Variants in CLASP1 observed in about 807,000 individuals in gnomAD.
CLASP1 encodes CLIP-associating protein 1.
Under a neutral mutation model 192.3 loss-of-function variants are expected in CLASP1, and 38 were observed. The observed-to-expected ratio is 0.20, with a 90% CI of 0.15 to 0.26. The LOEUF is 0.26. Ranked by LOEUF, CLASP1 falls within the 10% of genes least tolerant of loss-of-function variation. The pLI is 1.00. For synonymous variants in CLASP1, 691 were observed against 712.8 expected, an observed-to-expected ratio of 0.97 and a Z score of 0.49; for missense variants, 1,433 against 1,932.5, an observed-to-expected ratio of 0.74 and a Z score of 4.85.
intron 2 of CLASP1, among the ~76,000 whole-genome samples, chr2:121,578,234 C>G (rs149626840): frequency 1.3e-5 from 2 of 151,974 alleles, no homozygotes; most frequent in Non-Finnish European, 2.9e-5. Context: ...CACACCCTGC[C>G]GCTAGAAAAG....
At chr2:121,580,350 G>A (rs963873430) in intron 2 of CLASP1, among the ~76,000 whole-genome samples, 2 of 152,164 alleles carry the variant, frequency 1.3e-5, no homozygotes, top group Non-Finnish European at 1.5e-5. Context: ...AAAAGCACTT[G>A]TAGAAGAAAA....
intron 1 of CLASP1, among the ~76,000 whole-genome samples, chr2:121,629,769 C>T (rs1013460741): frequency 4.6e-5 from 7 of 151,486 alleles, no homozygotes; most frequent in East Asian, 2.0e-4. Flanking sequence ...CTAGCCTGGG[C>T]GACAAGAGCG....
intron 35 of CLASP1, among the ~76,000 whole-genome samples, chr2:121,367,035 A>G (rs920581875): frequency 3.3e-5 from 5 of 152,196 alleles, no homozygotes; most frequent in Non-Finnish European, 7.3e-5. Context: ...TGGTAATGCA[A>G]ATGCTCAGTG....
At chr2:121,634,871 G>C (rs913854349) in intron 1 of CLASP1, among the ~76,000 whole-genome samples, 7 of 152,210 alleles carry the variant, frequency 4.6e-5, no homozygotes, top group African/African-American at 1.7e-4. Flanking sequence ...AAGCTTTTTA[G>C]ACAAAATATA....
At chr2:121,519,690 AC>A (rs1399674261) in intron 6 of CLASP1, among the ~76,000 whole-genome samples, 2 of 152,210 alleles carry the variant, frequency 1.3e-5, no homozygotes, top group African/African-American at 4.8e-5. Flanking sequence ...TATCTTTTAA[AC>A]CAACATCTTT....
intron 2 of CLASP1, 43 bp downstream of exon 2, chr2:121,605,658 C>T: frequency 2.7e-6 from 4 of 1,507,544 alleles, no homozygotes; most frequent in Non-Finnish European, 3.7e-6. Context: ...TCTACCAGTG[C>T]AGCCCAGCCA....
chr2:121,457,450 C>A (rs13395695), intron 14 of CLASP1, among the ~76,000 whole-genome samples: 30,193 of 149,322 alleles, frequency 0.2, 5,591 homozygotes, highest in African/African-American at 0.5. Context: ...CTTTCTCTCA[C>A]ACAGACATAC....
intron 37 of CLASP1, among the ~76,000 whole-genome samples, chr2:121,352,850 C>T (rs2064751721): frequency 6.6e-6 from 1 of 151,920 alleles, no homozygotes; most frequent in Non-Finnish European, 1.5e-5. Flanking sequence ...GACGGGGTTT[C>T]ACCACGTTGA....
chr2:121,590,242 A>G (rs1317825870), intron 2 of CLASP1, among the ~76,000 whole-genome samples: 1 of 152,208 alleles, frequency 6.6e-6, no homozygotes, highest in East Asian at 1.9e-4. Flanking sequence ...CCGAACTTTG[A>G]ACCAGCAATT....
chr2:121,631,098 G>A (rs1002130503), intron 1 of CLASP1, among the ~76,000 whole-genome samples: 2 of 131,660 alleles, frequency 1.5e-5, no homozygotes, highest in African/African-American at 5.4e-5. Flanking sequence ...GGTGGAGGTT[G>A]CAGTGAGCCG....
chr2:121,366,298 C>T (rs2067394021), intron 35 of CLASP1, among the ~76,000 whole-genome samples: 1 of 152,186 alleles, frequency 6.6e-6, no homozygotes, highest in Admixed American at 6.5e-5. Flanking sequence ...TCCTTACAAA[C>T]ACTATACCCT....
At chr2:121,392,032 A>G (rs1010521252) in intron 30 of CLASP1, among the ~76,000 whole-genome samples, 2 of 152,308 alleles carry the variant, frequency 1.3e-5, no homozygotes, top group Middle Eastern at 3.4e-3. Context: ...TTTAAAAGTC[A>G]ACTAGATATC....
exon 40 of CLASP1, chr2:121,340,266 C>T (rs1177381507): frequency 6.6e-6 from 1 of 152,314 alleles, no homozygotes; most frequent in East Asian, 1.9e-4. Flanking sequence ...AGTCGGCCTC[C>T]AGTCTGGATA....
intron 2 of CLASP1, chr2:121,530,957 C>A (rs1305629224): frequency 7.1e-6 from 5 of 700,408 alleles, no homozygotes; most frequent in Non-Finnish European, 1.0e-5. Flanking sequence ...CTGAACAACA[C>A]ACCCGCATCA....
chr2:121,483,490 A>G (rs902741905), intron 8 of CLASP1, among the ~76,000 whole-genome samples: 1 of 151,784 alleles, frequency 6.6e-6, no homozygotes, highest in Non-Finnish European at 1.5e-5. Context: ...ATGTATATAT[A>G]TATGTGTGTA....
chr2:121,597,982 G>A (rs2063337515), intron 2 of CLASP1, among the ~76,000 whole-genome samples: 1 of 152,202 alleles, frequency 6.6e-6, no homozygotes, highest in African/African-American at 2.4e-5. Context: ...AGAAGCAGCT[G>A]GAAGTGAGTG....
intron 8 of CLASP1, among the ~76,000 whole-genome samples, chr2:121,479,196 C>T (rs1260305544): frequency 1.3e-5 from 2 of 149,674 alleles, no homozygotes; most frequent in Admixed American, 1.3e-4. Context: ...GAAATCCGAC[C>T]AGAAAAAGAA....
At chr2:121,429,712 T>C (rs1028594289) in intron 20 of CLASP1, among the ~76,000 whole-genome samples, 7 of 152,150 alleles carry the variant, frequency 4.6e-5, no homozygotes, top group Non-Finnish European at 1.0e-4. Context: ...GCATTAATAG[T>C]TTTCTGCCCA....
chr2:121,593,580 C>G (rs1474599832), intron 2 of CLASP1, among the ~76,000 whole-genome samples: 1 of 140,568 alleles, frequency 7.1e-6, no homozygotes, highest in Non-Finnish European at 1.5e-5. Context: ...GATCGTGCCA[C>G]TGCACTCCAG....
Sources: allele counts gnomAD v4.1 joint callset (sites outside exome capture counted in the v4.1 genomes callset), GRCh38; gene constraint gnomAD v4.1.1; transcripts MANE v1.5; gene names NCBI Gene and HGNC (gene_info 2026-07-23, HGNC 2026-07-21).